The following KL variants were observed in gnomAD, a reference collection of about 807,000 sequenced individuals.
KL encodes the protein klotho, also known as alpha-klotho.
A neutral mutation model predicts 84.2 loss-of-function variants in KL; 62 were observed. The observed-to-expected ratio is 0.74, with a 90% CI of 0.60 to 0.91. The LOEUF (loss-of-function observed/expected upper bound fraction) is 0.91. Among genes scored for constraint, KL ranks in the 40% least tolerant of loss-of-function variants. The probability of loss-of-function intolerance (pLI) is 0.00; values close to 1 mark genes in which losing one functional copy is unlikely to be tolerated. For synonymous variants in KL, 528 were observed against 528.0 expected, an observed-to-expected ratio of 1.00 and a Z score of 0.00; for missense variants, 1,261 against 1,305.7, an observed-to-expected ratio of 0.97 and a Z score of 0.53.
rs145255620 is a variant in KL at position 33,055,180 on chromosome 13, G to T, written c.1464G>T (p.Leu488Phe). ...ACTTTCTAAGCCAGGACAAGATGTT[G>T]TTGCCAAAGTCTTCAGCCTTGTTCT... ...YVDFLSQDKM[L>F]LPKSSALFYQ... Residue 488 changes from leucine to phenylalanine, a missense_variant, in exon 3 of 5, where the codon TTG becomes TTT. Physicochemically the swap from Leu to Phe is conservative, Grantham distance 22 (BLOSUM62 0). Coordinates refer to ENST00000380099, the MANE Select transcript of KL (RefSeq NM_004795.4). 8 of 1,614,116 alleles carry T rather than the reference G, an allele frequency of 5.0e-6. No individual in the cohort carries two copies. Among genetic ancestry groups the T allele is most frequent in the Admixed American group, 3.3e-5 (2 of 60,010 alleles).
At chr13:33,052,975 A>T (rs1332508591) in intron 1 of KL, among the ~76,000 whole-genome samples, 1 of 152,226 alleles carries the variant, frequency 6.6e-6, no homozygotes. Context: ...TGAAAATAAG[A>T]TATTAGAAGT....
chr13:33,063,292 C>T lies in KL; in HGVS notation c.2702-557C>T, dbSNP rs118110381. On this transcript the variant is annotated intron_variant, in intron 4 of 4. Coordinates refer to ENST00000380099, the MANE Select transcript of KL (RefSeq NM_004795.4). ...ACATACACACACGAAAAGCAAGTGA[C>T]CAAAAGCAAGCAGGACAGGCAGACC... Among the ~76,000 whole-genome samples, 175 of 151,458 alleles carry T rather than the reference C, an allele frequency of 1.2e-3. 3 individuals are homozygous for T. In the East Asian group the frequency reaches 0.031, roughly 27 times the overall value.
intron 1 of KL, among the ~76,000 whole-genome samples, chr13:33,024,933 T>A (rs1870713170): frequency 1.3e-5 from 2 of 152,156 alleles, no homozygotes; most frequent in African/African-American, 4.8e-5. Context: ...CTGCTTGGGC[T>A]GCACGAGAGA....
At chr13:33,041,618 C>A (rs1421184552) in intron 1 of KL, among the ~76,000 whole-genome samples, 1 of 151,976 alleles carries the variant, frequency 6.6e-6, no homozygotes, top group Non-Finnish European at 1.5e-5. Flanking sequence ...AATAGAGGCA[C>A]AGACTTCAGA....
chr13:33,046,296 G>A (rs771855161), intron 1 of KL, among the ~76,000 whole-genome samples: 17 of 151,350 alleles, frequency 1.1e-4, no homozygotes, highest in South Asian at 4.3e-4. Context: ...GAAAGTTTTT[G>A]ATTACTAATT....
At position 33,064,652 on chromosome 13, in the gene KL, A is replaced by T. The variant is rs770665581; in HGVS notation, c.*466A>T. 36 of 237,758 alleles carry T rather than the reference A, an allele frequency of 1.5e-4. No homozygotes were observed. Among genetic ancestry groups the T allele is most frequent in the Non-Finnish European group, 2.9e-4 (35 of 121,258 alleles). The allele number at this position is 237,758 out of a possible 1,614,324, so 14.7% of individuals were successfully genotyped here. On this transcript the variant is annotated 3_prime_UTR_variant, in exon 5 of 5. Coordinates refer to ENST00000380099, the MANE Select transcript of KL (RefSeq NM_004795.4). ...ATGCCTAGTGGCTTCCCCTCTGTCA[A>T]ATCTAGTTTCCTATGGAAAAGAAGA...
chr13:33,061,813 G>C, intron 4 of KL, 33 bp downstream of exon 4: 1 of 1,605,896 alleles, frequency 6.2e-7, no homozygotes, highest in Non-Finnish European at 8.5e-7. Flanking sequence ...ATCTCCTGAA[G>C]GTTATGTCAC....
intron 1 of KL, among the ~76,000 whole-genome samples, chr13:33,023,095 C>T (rs1870634926): frequency 6.6e-6 from 1 of 152,176 alleles, no homozygotes; most frequent in South Asian, 2.1e-4. Flanking sequence ...GACCTGGAAG[C>T]TGCACCTATC....
intron 1 of KL, among the ~76,000 whole-genome samples, chr13:33,046,696 T>C (rs1236034595): frequency 1.3e-5 from 2 of 152,038 alleles, no homozygotes; most frequent in Non-Finnish European, 2.9e-5. Flanking sequence ...TTTAGTTGGC[T>C]CTTCTTTTTT....
chr13:33,046,964 T>C (rs1871554684), intron 1 of KL, among the ~76,000 whole-genome samples: 1 of 152,222 alleles, frequency 6.6e-6, no homozygotes, highest in Non-Finnish European at 1.5e-5. Flanking sequence ...AGTTTTCCTT[T>C]TGTTATTGAT....
chr13:33,040,286 T>C (rs558434751), intron 1 of KL, among the ~76,000 whole-genome samples: 33 of 152,340 alleles, frequency 2.2e-4, no homozygotes, highest in Middle Eastern at 3.4e-3. Flanking sequence ...ATCAGGCTAG[T>C]TGGCATGCTT....
At position 33,060,937 on chromosome 13, in the gene KL, C is replaced by T. The variant is rs34292549; in HGVS notation, c.1858C>T (p.Arg620Cys). 1.6e-4 allele frequency: 252 copies of T among 1,612,308 alleles called. 2 individuals are homozygous for T. The highest frequency in any genetic ancestry group is 7.7e-4 in the South Asian group (70 of 90,996). ...GAACCACACCATCCTGCAGTACTATCGCTGCATGGCCAGCGAGCTTGTCCG... is the reference window on the plus strand; with the variant it reads ...GAACCACACCATCCTGCAGTACTATTGCTGCATGGCCAGCGAGCTTGTCCG... ...QVNHTILQYY[R>C]CMASELVRVN... The change falls in exon 4 of 5, where the codon CGC (arginine) becomes TGC (cysteine). Residue 620 changes from arginine to cysteine, a missense_variant. Arg to Cys is a radical substitution (Grantham distance 180). Coordinates refer to ENST00000380099, the MANE Select transcript of KL (RefSeq NM_004795.4).
intron 1 of KL, 84 bp from the exon 2 acceptor site, chr13:33,053,683 A>T: frequency 8.0e-7 from 1 of 1,256,512 alleles, no homozygotes; most frequent in Non-Finnish European, 1.2e-6. Flanking sequence ...AGAAACAGAT[A>T]TAATCTGATT....
intron 1 of KL, among the ~76,000 whole-genome samples, chr13:33,040,090 C>T (rs571032449): frequency 2.0e-5 from 3 of 152,280 alleles, no homozygotes; most frequent in Admixed American, 6.5e-5. Flanking sequence ...AGGAACTGCA[C>T]ACAGAGACTA....
At chr13:33,034,721 T>C (rs77995271) in intron 1 of KL, among the ~76,000 whole-genome samples, 306 of 152,346 alleles carry the variant, frequency 2.0e-3, no homozygotes, top group Non-Finnish European at 3.7e-3. Context: ...CACGGGTTTT[T>C]CTTTGATTTG....
chr13:33,028,304 G>T (rs1411585278), intron 1 of KL, among the ~76,000 whole-genome samples: 1 of 152,146 alleles, frequency 6.6e-6, no homozygotes, highest in Non-Finnish European at 1.5e-5. Flanking sequence ...AGTGAGGAGT[G>T]CCCTTCAGAG....
chr13:33,057,179 T>A (rs1871993694), intron 3 of KL, among the ~76,000 whole-genome samples: 1 of 152,096 alleles, frequency 6.6e-6, no homozygotes, highest in Admixed American at 6.5e-5. Context: ...TGAGCACGGA[T>A]CTCTGATAGC....
intron 3 of KL, among the ~76,000 whole-genome samples, chr13:33,056,973 C>T (rs948677649): frequency 6.6e-6 from 1 of 152,208 alleles, no homozygotes; most frequent in African/African-American, 2.4e-5. Flanking sequence ...CCTAATTTCC[C>T]TCCTCAGAGT....
chr13:33,051,705 C>T (rs534024197), intron 1 of KL, among the ~76,000 whole-genome samples: 1 of 152,206 alleles, frequency 6.6e-6, no homozygotes, highest in Non-Finnish European at 1.5e-5. Flanking sequence ...TAAAAAATTC[C>T]ATTGTATGAC....
Sources: gnomAD v4.1 joint callset for allele counts (sites outside exome capture counted in the v4.1 genomes callset) on GRCh38, gnomAD v4.1.1 for gene constraint, MANE v1.5 for transcripts, NCBI Gene and HGNC (gene_info 2026-07-23, HGNC 2026-07-21) for gene names.